Variants in MEIS2 observed in about 807,000 individuals in gnomAD.
The protein encoded by MEIS2 is homeobox protein Meis2.
A neutral mutation model predicts 58.6 loss-of-function variants in MEIS2; 9 were observed. That is an observed-to-expected ratio of 0.15 (90% CI 0.09 to 0.27). MEIS2 has a LOEUF of 0.27. Among genes scored for constraint, MEIS2 ranks in the 10% least tolerant of loss-of-function variants. The pLI is 1.00. For missense variants in MEIS2, 427 were observed against 635.0 expected (o/e 0.67, Z 3.52); for synonymous variants, 221 against 228.4 (o/e 0.97, Z 0.29).
chr15:37,019,024 G>A (rs886161093), intron 8 of MEIS2, among the ~76,000 whole-genome samples: 6 of 152,086 alleles, frequency 3.9e-5, no homozygotes, highest in African/African-American at 1.4e-4. Context: ...CAGACCACCC[G>A]CAGCTATAAT....
At chr15:36,973,528 T>C (rs1156546519) in intron 8 of MEIS2, among the ~76,000 whole-genome samples, 1 of 152,176 alleles carries the variant, frequency 6.6e-6, no homozygotes, top group Admixed American at 6.5e-5. Flanking sequence ...TGGAACTTAG[T>C]AGGTGTTATA....
intron 7 of MEIS2, among the ~76,000 whole-genome samples, chr15:37,049,783 G>GGCCTTT (rs1290929096): frequency 6.6e-6 from 1 of 150,536 alleles, no homozygotes; most frequent in Non-Finnish European, 1.5e-5. Flanking sequence ...CACCGCAGCT[G>GGCCTTT]GCCTTTTTTT....
intron 7 of MEIS2, among the ~76,000 whole-genome samples, chr15:37,076,619 A>T (rs1346944002): frequency 6.6e-6 from 1 of 151,994 alleles, no homozygotes; most frequent in Non-Finnish European, 1.5e-5. Flanking sequence ...ACAAGGAATG[A>T]TGATGTTTTA....
intron 9 of MEIS2, among the ~76,000 whole-genome samples, chr15:36,933,983 A>G (rs2058073037): frequency 6.6e-6 from 1 of 152,220 alleles, no homozygotes; most frequent in Non-Finnish European, 1.5e-5. Context: ...TCTTTTCAAC[A>G]TTAATAAAAT....
At chr15:37,016,781 A>G (rs1407016199) in intron 8 of MEIS2, among the ~76,000 whole-genome samples, 3 of 152,210 alleles carry the variant, frequency 2.0e-5, no homozygotes, top group Non-Finnish European at 4.4e-5. Flanking sequence ...TATTGATGCA[A>G]TGGTGTCCCC....
In MEIS2 at chr15:37,069,620, G is replaced by A. The variant is rs1298421121; in HGVS notation, c.754+14151C>T. ...CTGAGGGGTAGAATGTAGGAATGCA[G>A]AAGAGTTTCACCTCACTTGATAACC... On this transcript the variant is annotated intron_variant, in intron 7 of 11. Transcript: ENST00000561208. Among the ~76,000 whole-genome samples the A allele has an allele frequency of 4.6e-5, 7 of 152,138 alleles. No individual in the cohort carries two copies. In the East Asian group the frequency reaches 1.2e-3, roughly 25 times the overall value.
chr15:36,982,978 C>T (rs2059977122), intron 8 of MEIS2, among the ~76,000 whole-genome samples: 2 of 151,998 alleles, frequency 1.3e-5, no homozygotes, highest in Non-Finnish European at 2.9e-5. Flanking sequence ...CAGTTTTTGC[C>T]CATTTTTCTA....
chr15:36,935,956 T>C (rs2058152480), intron 9 of MEIS2, among the ~76,000 whole-genome samples: 1 of 152,176 alleles, frequency 6.6e-6, no homozygotes, highest in East Asian at 1.9e-4. Context: ...ACATTATGAA[T>C]TCCCCATTAC....
At chr15:37,022,907 G>A (rs1044850692) in intron 8 of MEIS2, among the ~76,000 whole-genome samples, 2 of 148,930 alleles carry the variant, frequency 1.3e-5, no homozygotes, top group Non-Finnish European at 3.0e-5. Flanking sequence ...CACCCTCCTC[G>A]GCCTCCCAAA....
chr15:36,924,155 T>C (rs1248175618), intron 9 of MEIS2, among the ~76,000 whole-genome samples: 3 of 152,184 alleles, frequency 2.0e-5, no homozygotes, highest in Non-Finnish European at 2.9e-5. Flanking sequence ...AGAGTAGATA[T>C]ACAGTGGGCT....
At chr15:36,947,163 G>A (rs1874014754) in intron 9 of MEIS2, among the ~76,000 whole-genome samples, 1 of 151,926 alleles carries the variant, frequency 6.6e-6, no homozygotes, top group Non-Finnish European at 1.5e-5. Context: ...GGTGATTGAT[G>A]ATTTATGGAC....
At chr15:36,983,109 C>T (rs147810793) in intron 8 of MEIS2, among the ~76,000 whole-genome samples, 5 of 152,170 alleles carry the variant, frequency 3.3e-5, no homozygotes, top group African/African-American at 1.2e-4. Context: ...TATATTCACT[C>T]TGTTGATTGT....
intron 9 of MEIS2, among the ~76,000 whole-genome samples, chr15:36,920,077 T>C (rs1214812613): frequency 6.6e-6 from 1 of 152,182 alleles, no homozygotes; most frequent in Non-Finnish European, 1.5e-5. Flanking sequence ...AAATGGAGGC[T>C]GGAGATTAAA....
At chr15:36,949,442 G>A (rs1424942570) in intron 9 of MEIS2, among the ~76,000 whole-genome samples, 1 of 151,996 alleles carries the variant, frequency 6.6e-6, no homozygotes, top group African/African-American at 2.4e-5. Flanking sequence ...ATATATTAAG[G>A]AAAGCTGTGA....
intron 7 of MEIS2, among the ~76,000 whole-genome samples, chr15:37,049,209 T>C (rs2062803751): frequency 6.6e-6 from 1 of 152,122 alleles, no homozygotes. Flanking sequence ...AAGAATAATC[T>C]AGGATAGCAC....
chr15:36,934,712 A>G (rs1348103987), intron 9 of MEIS2, among the ~76,000 whole-genome samples: 1 of 152,226 alleles, frequency 6.6e-6, no homozygotes, highest in African/African-American at 2.4e-5. Flanking sequence ...CCTGAGAGCT[A>G]AAGGGAGAAA....
intron 11 of MEIS2, 55 bp downstream of exon 11, chr15:36,895,096 G>T: frequency 7.1e-7 from 1 of 1,401,800 alleles, no homozygotes; most frequent in Non-Finnish European, 1.0e-6. Flanking sequence ...TGGAGAGGCT[G>T]GTGGAGCAGG....
intron 8 of MEIS2, among the ~76,000 whole-genome samples, chr15:36,996,079 A>T (rs891951325): frequency 5.0e-4 from 70 of 139,214 alleles, no homozygotes; most frequent in Admixed American, 2.3e-3. Flanking sequence ...ATATATATAT[A>T]TTTTTAAATA....
At chr15:37,000,309 T>C (rs555074318) in intron 8 of MEIS2, among the ~76,000 whole-genome samples, 281 of 152,210 alleles carry the variant, frequency 1.8e-3, no homozygotes, top group African/African-American at 6.5e-3. Flanking sequence ...TTGATGGTAT[T>C]TGAACTAAGC....
Sources: allele counts gnomAD v4.1 joint callset (sites outside exome capture counted in the v4.1 genomes callset), GRCh38; gene constraint gnomAD v4.1.1; transcripts MANE v1.5; gene names NCBI Gene and HGNC (gene_info 2026-07-23, HGNC 2026-07-21).